Variants in PRKD2 observed in about 807,000 individuals in gnomAD.
PRKD2 encodes protein kinase D2.
PRKD2 carries 22 observed loss-of-function variants against 86.0 expected under a neutral mutation model. That is an observed-to-expected ratio of 0.26 (90% CI 0.18 to 0.37). PRKD2 has a LOEUF of 0.37. Ranked by LOEUF, PRKD2 falls within the 10% of genes least tolerant of loss-of-function variation. The probability of loss-of-function intolerance (pLI) is 1.00; values close to 1 mark genes in which losing one functional copy is unlikely to be tolerated. For missense variants in PRKD2, 818 were observed against 1,199.2 expected, an observed-to-expected ratio of 0.68 and a Z score of 4.70; for synonymous variants, 509 against 510.9, an observed-to-expected ratio of 1.00 and a Z score of 0.05.
At chr19:46,701,435 A>G (rs893934675) in intron 5 of PRKD2, among the ~76,000 whole-genome samples, 3 of 151,704 alleles carry the variant, frequency 2.0e-5, no homozygotes, top group African/African-American at 7.2e-5. Context: ...AGCCTGCCCT[A>G]CATGGTAAAA....
In PRKD2 at chr19:46,678,783, C is replaced by A; in HGVS notation, c.2071-120G>T. ...AGCTGGATGCTGGTTTGAATCCAGGCTCCTTGGCTCACTAGCTGAGCAACC... is the reference window on the plus strand; with the variant it reads ...AGCTGGATGCTGGTTTGAATCCAGGATCCTTGGCTCACTAGCTGAGCAACC... On this transcript the variant is annotated intron_variant, in intron 15 of 17. Transcript: ENST00000291281. The surrounding 1 kb of genome is among the most constrained non-coding windows in gnomAD (Gnocchi z 5.7). 8.0e-7 allele frequency: 1 copy of A among 1,249,960 alleles called. No homozygotes were observed. The highest frequency in any genetic ancestry group is 1.1e-6 in the Non-Finnish European group (1 of 918,242). The allele number at this position is 1,249,960 out of a possible 1,614,324, so 77.4% of individuals were successfully genotyped here.
chr19:46,692,938 T>C (rs1425041433), intron 10 of PRKD2, among the ~76,000 whole-genome samples: 3 of 152,178 alleles, frequency 2.0e-5, no homozygotes, highest in Non-Finnish European at 2.9e-5. Flanking sequence ...TCACACTCGT[T>C]GCTTGTATGG....
In PRKD2 at chr19:46,693,867, G is replaced by A. The variant is rs746193661; in HGVS notation, c.1576+8C>T. Reference sequence around the variant, plus strand: ...ATTCTCTCAAGGACCCGAGGTGGGAGGACTTACTGTGGGGCGCGTGGCCTG... The same window carrying A: ...ATTCTCTCAAGGACCCGAGGTGGGAAGACTTACTGTGGGGCGCGTGGCCTG... On this transcript the variant is annotated splice_region_variant and intron_variant, in intron 10 of 17. Transcript: ENST00000291281. The surrounding 1 kb of genome is among the most constrained non-coding windows in gnomAD (Gnocchi z 4.5). 1 of 1,586,858 alleles carries A rather than the reference G, an allele frequency of 6.3e-7. No individual in the cohort carries two copies. The highest frequency in any genetic ancestry group is 8.6e-7 in the Non-Finnish European group (1 of 1,166,968).
At chr19:46,697,086 G>A in intron 9 of PRKD2, 71 bp downstream of exon 9, 2 of 1,206,900 alleles carry the variant, frequency 1.7e-6, no homozygotes, top group Non-Finnish European at 2.5e-6. Flanking sequence ...GTAACTGGGG[G>A]TAGGAGGAGG....
intron 15 of PRKD2, among the ~76,000 whole-genome samples, chr19:46,680,202 G>A (rs1254176026): frequency 6.6e-6 from 1 of 152,110 alleles, no homozygotes; most frequent in Non-Finnish European, 1.5e-5. Flanking sequence ...ACCCTTTCCT[G>A]AGGTACTCTG....
chr19:46,678,133 CCCT>C lies in PRKD2; in HGVS notation c.2338+260_2338+262del, dbSNP rs2053238671. On this transcript the variant is annotated intron_variant, in intron 16 of 17. Coordinates refer to ENST00000291281, the MANE Select transcript of PRKD2 (RefSeq NM_016457.5). This position sits in a 1 kb window ranked among gnomAD's most constrained non-coding sequence, Gnocchi z 5.7. ...AGACAAGCCAAGTCTCACTCAGCCC[CCCT>C]AAGGTTCCAAGTGTCCTCAGCGCTT... Among the ~76,000 whole-genome samples, 1 of 152,164 alleles carries C rather than the reference CCCT, an allele frequency of 6.6e-6. No individual in the cohort carries two copies.
Position 46,704,576 on chromosome 19 carries a change from G to C in PRKD2, c.585C>G (p.Arg195=). 1 of 1,614,096 alleles carries C rather than the reference G, an allele frequency of 6.2e-7. No individual in the cohort carries two copies. The highest frequency in any genetic ancestry group is 8.5e-7 in the Non-Finnish European group (1 of 1,179,998). Residue 195 remains arginine (R), a synonymous_variant, in exon 4 of 18, where the codon CGC becomes CGG. Transcript: ENST00000291281. ...CACTGGCCAGAGACGTGGATGACAG[G>C]CGCCGTTTGCGGGCCCCACTACAGT... The part of the protein sequence containing the change: ...PNNCSGARKR[R]LSSTSLASGH...
intron 13 of PRKD2, 101 bp downstream of exon 13, chr19:46,690,499 G>T: frequency 1.0e-6 from 1 of 991,978 alleles, no homozygotes; most frequent in Non-Finnish European, 1.6e-6. Flanking sequence ...GTCTCAACAT[G>T]CACATGCCCT....
At chr19:46,681,827 A>T in intron 14 of PRKD2, 79 bp from the exon 15 acceptor site, 1 of 845,590 alleles carries the variant, frequency 1.2e-6, no homozygotes, top group East Asian at 2.6e-5. Flanking sequence ...CAGCCCTCCA[A>T]ACCCATCCAT....
intron 1 of PRKD2, among the ~76,000 whole-genome samples, chr19:46,715,619 G>C (rs551978971): frequency 1.7e-4 from 26 of 152,310 alleles, no homozygotes; most frequent in African/African-American, 6.0e-4. Flanking sequence ...GGGTCTGTAG[G>C]AGTGCCTGCC....
At chr19:46,707,602 C>A (rs12609920) in intron 3 of PRKD2, among the ~76,000 whole-genome samples, 116,267 of 151,938 alleles carry the variant, frequency 0.77, 44,919 homozygotes, top group African/African-American at 0.88. Flanking sequence ...ACACACAAAA[C>A]AATGGAGCCA....
At position 46,678,265 on chromosome 19, in the gene PRKD2, C is replaced by A. The variant is rs757498782; in HGVS notation, c.2338+131G>T. Reference sequence around the variant, plus strand: ...TGTAGCCACATCCCTCCAGTAGGCCCGCCCCAGCACTGGGCTCCACCCCCA... The same window carrying A: ...TGTAGCCACATCCCTCCAGTAGGCCAGCCCCAGCACTGGGCTCCACCCCCA... On this transcript the variant is annotated intron_variant, in intron 16 of 17. Transcript: ENST00000291281. This position sits in a 1 kb window ranked among gnomAD's most constrained non-coding sequence, Gnocchi z 5.7. 8 of 1,385,204 alleles carry A rather than the reference C, an allele frequency of 5.8e-6. No individual in the cohort carries two copies. In the African/African-American group the frequency reaches 1.0e-4, roughly 17 times the overall value. The allele number at this position is 1,385,204 out of a possible 1,614,324, so 85.8% of individuals were successfully genotyped here.
intron 5 of PRKD2, among the ~76,000 whole-genome samples, chr19:46,703,781 AAAAAG>A (rs1384639419): frequency 1.1e-3 from 168 of 151,426 alleles, no homozygotes; most frequent in African/African-American, 2.8e-3. Flanking sequence ...CAAAAAAAAA[AAAAAG>A]AAAAGAAAAT....
chr19:46,689,829 AGGGG>A, intron 13 of PRKD2, 131 bp from the exon 14 acceptor site: 6 of 1,074,106 alleles, frequency 5.6e-6, no homozygotes, highest in Non-Finnish European at 8.1e-6. Flanking sequence ...TGGAGAGGGA[AGGGG>A]GCTTCCCACA....
At chr19:46,700,613 G>C (rs1274064674) in intron 7 of PRKD2, among the ~76,000 whole-genome samples, 186 bp downstream of exon 7, 2 of 152,156 alleles carry the variant, frequency 1.3e-5, no homozygotes, top group Admixed American at 6.5e-5. Flanking sequence ...CTGGGCGACA[G>C]ACCGAGACCC....
chr19:46,697,526 C>T (rs984684762), intron 8 of PRKD2, among the ~76,000 whole-genome samples: 13 of 151,274 alleles, frequency 8.6e-5, no homozygotes, highest in African/African-American at 2.7e-4. Context: ...TTGCCCTGAG[C>T]CCCGGGTCTT....
intron 12 of PRKD2, 70 bp from the exon 13 acceptor site, chr19:46,690,776 C>A: frequency 7.9e-7 from 1 of 1,267,266 alleles, no homozygotes. Flanking sequence ...AGTATCTCCA[C>A]CTCTGCCAAC....
At chr19:46,714,297 C>G in intron 1 of PRKD2, 1 of 1,173,578 alleles carries the variant, frequency 8.5e-7, no homozygotes, top group South Asian at 2.4e-5. Flanking sequence ...CGGAACCTGG[C>G]GGAGGTGGGA....
Position 46,706,270 on chromosome 19 carries a change from C to A in PRKD2, c.512-1621G>T, listed in dbSNP as rs527555443. Among the ~76,000 whole-genome samples, 9 of 152,334 alleles carry A rather than the reference C, an allele frequency of 5.9e-5. No individual in the cohort carries two copies. The South Asian group carries it at 1.2e-3, about 21-fold the overall frequency. Reference sequence around the variant, plus strand: ...CTAATACATCTCCAGTGATTCCAAACGATTCCAGGATCGCTTTCTATTCTG... The same window carrying A: ...CTAATACATCTCCAGTGATTCCAAAAGATTCCAGGATCGCTTTCTATTCTG... On this transcript the variant is annotated intron_variant, in intron 3 of 17. Coordinates refer to ENST00000291281, the MANE Select transcript of PRKD2 (RefSeq NM_016457.5).
Sources: allele counts gnomAD v4.1 joint callset (sites outside exome capture counted in the v4.1 genomes callset), GRCh38; gene constraint gnomAD v4.1.1; non-coding constraint Gnocchi (gnomAD v3.1); transcripts MANE v1.5; gene names NCBI Gene and HGNC (gene_info 2026-07-23, HGNC 2026-07-21).